Variants in SLC7A14 observed in about 807,000 individuals in gnomAD.
The protein encoded by SLC7A14 is gamma-aminobutyric acid transporter SLC7A14.
Under a neutral mutation model 60.2 loss-of-function variants are expected in SLC7A14, and 37 were observed. That is an observed-to-expected ratio of 0.61 (90% CI 0.47 to 0.81). The LOEUF (loss-of-function observed/expected upper bound fraction) is 0.81. SLC7A14 is among the 30% of genes least tolerant of loss of function. The pLI, the probability that SLC7A14 is intolerant of heterozygous loss-of-function variation, is 0.00. For synonymous variants in SLC7A14, 399 were observed against 395.8 expected (o/e 1.01, Z -0.10); for missense variants, 886 against 982.7 (o/e 0.90, Z 1.32).
At position 170,503,534 on chromosome 3, in the gene SLC7A14, C is replaced by T. The variant is rs565119266; in HGVS notation, c.305-2189G>A. Among the ~76,000 whole-genome samples the T allele has an allele frequency of 5.3e-5, 8 of 152,186 alleles. No individual in the cohort carries two copies. The East Asian group carries it at 1.5e-3, about 29-fold the overall frequency. ...AGGAAGTGAAGATGCAACTCACTTC[C>T]CTGCTTTGGTATTGGATCCACAGCA... On this transcript the variant is annotated intron_variant, in intron 2 of 7. Transcript: ENST00000231706.
At chr3:170,475,004 A>T (rs1302319147) in intron 7 of SLC7A14, among the ~76,000 whole-genome samples, 2 of 152,230 alleles carry the variant, frequency 1.3e-5, no homozygotes, top group Non-Finnish European at 2.9e-5. Flanking sequence ...TGCTAGTTCC[A>T]TGTTCCCTGA....
intron 1 of SLC7A14, among the ~76,000 whole-genome samples, chr3:170,544,164 C>A (rs1714103304): frequency 6.6e-6 from 1 of 152,058 alleles, no homozygotes; most frequent in Admixed American, 6.5e-5. Flanking sequence ...GTTGGTAGAT[C>A]CTCCCTGCCT....
Position 170,535,074 on chromosome 3 carries a change from T to A in SLC7A14, c.-152-7986A>T, listed in dbSNP as rs1283533892. Among the ~76,000 whole-genome samples the A allele has an allele frequency of 6.6e-6, 1 of 152,096 alleles. No homozygotes were observed. Among genetic ancestry groups the A allele is most frequent in the Non-Finnish European group, 1.5e-5 (1 of 68,036 alleles). On this transcript the variant is annotated intron_variant, in intron 1 of 7. Transcript: ENST00000231706. The surrounding 1 kb of genome is among the most constrained non-coding windows in gnomAD (Gnocchi z 4.3). The stretch of plus-strand genomic sequence containing the variant: ...GTTTGACATCACCTTCTCCTCTCCT[T>A]TTCCATGGACCTCAGGTCCGGTGCC...
intron 7 of SLC7A14, among the ~76,000 whole-genome samples, chr3:170,479,103 C>T (rs1711726833): frequency 6.6e-6 from 1 of 152,054 alleles, no homozygotes; most frequent in Admixed American, 6.6e-5. Flanking sequence ...GCCTGGGCGA[C>T]ACAGCAAGAC....
At chr3:170,472,804 G>T in intron 7 of SLC7A14, among the ~76,000 whole-genome samples, 1 of 152,028 alleles carries the variant, frequency 6.6e-6, no homozygotes, top group East Asian at 1.9e-4. Flanking sequence ...TGCAGTGACG[G>T]GAAATATTCA....
intron 1 of SLC7A14, among the ~76,000 whole-genome samples, chr3:170,567,186 A>G (rs1381027145): frequency 1.5e-5 from 2 of 130,296 alleles, no homozygotes; most frequent in Admixed American, 8.9e-5. Context: ...AGTCCCCAGA[A>G]TGTGATGTTC....
chr3:170,478,118 C>T (rs1711688595), intron 7 of SLC7A14, among the ~76,000 whole-genome samples: 3 of 152,048 alleles, frequency 2.0e-5, no homozygotes, highest in Admixed American at 6.5e-5. Flanking sequence ...TGCTCTGTCT[C>T]CCAGGCTAGA....
chr3:170,570,232 G>A (rs1577570976), intron 1 of SLC7A14: 2 of 152,388 alleles, frequency 1.3e-5, no homozygotes, highest in East Asian at 3.9e-4. Flanking sequence ...GACTGCTTGA[G>A]CCTAGGAGTT....
intron 1 of SLC7A14, among the ~76,000 whole-genome samples, chr3:170,568,806 CTGTT>C (rs1714865466): frequency 2.0e-5 from 3 of 152,252 alleles, no homozygotes; most frequent in East Asian, 1.9e-4. Flanking sequence ...ATTTGGCTCT[CTGTT>C]TGTCTGTTAT....
rs777638825 is a variant in SLC7A14, at chr3:170,467,027, AC to A, written c.*27del. 6.5e-7 allele frequency: 1 copy of A among 1,542,562 alleles called. No individual in the cohort carries two copies. Among genetic ancestry groups the A allele is most frequent in the East Asian group, 2.3e-5 (1 of 44,192 alleles). ...GTTAAGTTACTGAAAATCAGTCATCACCATTTCTACCCACTTGTGTGTTTCT... is the reference window on the plus strand; with the variant it reads ...GTTAAGTTACTGAAAATCAGTCATCACATTTCTACCCACTTGTGTGTTTCT... On this transcript the variant is annotated 3_prime_UTR_variant, in exon 8 of 8. Transcript: ENST00000231706.
At chr3:170,498,598 T>C in intron 4 of SLC7A14, 69 bp downstream of exon 4, 1 of 1,411,698 alleles carries the variant, frequency 7.1e-7, no homozygotes, top group African/African-American at 1.4e-5. Context: ...TGAAAATATG[T>C]CTTAGGTTGG....
In SLC7A14 at chr3:170,466,231, T is replaced by C. The variant is rs1483932122; in HGVS notation, c.*824A>G. 1 of 152,232 alleles carries C rather than the reference T, an allele frequency of 6.6e-6. No individual in the cohort carries two copies. The allele number at this position is 152,232 out of a possible 1,614,324, so 9.4% of individuals were successfully genotyped here. ...ACTTTTTCAAGGCATATCAGTGCCATGAAATCATGCTCCACCTTTGCCCGC... is the reference window on the plus strand; with the variant it reads ...ACTTTTTCAAGGCATATCAGTGCCACGAAATCATGCTCCACCTTTGCCCGC... On this transcript the variant is annotated 3_prime_UTR_variant, in exon 8 of 8. Coordinates refer to ENST00000231706, the MANE Select transcript of SLC7A14 (RefSeq NM_020949.3).
rs545286625 is a variant in SLC7A14, at chr3:170,506,607, G to A, written c.305-5262C>T. 4.6e-5 allele frequency among the ~76,000 whole-genome samples: 7 copies of A among 152,286 alleles called. No individual in the cohort carries two copies. In the South Asian group the frequency reaches 1.5e-3, roughly 32 times the overall value. On this transcript the variant is annotated intron_variant, in intron 2 of 7. Coordinates refer to ENST00000231706, the MANE Select transcript of SLC7A14 (RefSeq NM_020949.3). ...TGGTTCTATCATATATGTAAATAAA[G>A]AGCCAGCCTTAGGTTTAGTTCTTTC... is the stretch of plus-strand genomic sequence containing the variant.
At position 170,480,982 on chromosome 3, in the gene SLC7A14, C is replaced by T. The variant is rs376484132; in HGVS notation, c.1300G>A (p.Glu434Lys). 11 of 1,614,082 alleles carry T rather than the reference C, an allele frequency of 6.8e-6. No individual in the cohort carries two copies. The highest frequency in any genetic ancestry group is 1.7e-5 in the Admixed American group (1 of 60,010). ...VCVLLLRYQP[E>K]SDIDGFVKFL... is the part of the protein sequence containing the mutation. ...TTGACAAAACCATCAATGTCACTCT[C>T]AGGTTGGTATCGAAGGAGCAAGACA... The change falls in exon 7 of 8, where the codon GAG becomes AAG. Residue 434 changes from glutamate (E) to lysine (K), a missense_variant. Physicochemically the swap from Glu to Lys is moderately conservative, Grantham distance 56. Coordinates refer to ENST00000231706, the MANE Select transcript of SLC7A14 (RefSeq NM_020949.3).
chr3:170,583,126 A>G (rs1715283488), intron 1 of SLC7A14, among the ~76,000 whole-genome samples: 1 of 152,236 alleles, frequency 6.6e-6, no homozygotes, highest in South Asian at 2.1e-4. Context: ...GAACATGGGC[A>G]GTTGCTTAGG....
chr3:170,561,994 G>T (rs760884481), intron 1 of SLC7A14, among the ~76,000 whole-genome samples: 2 of 152,098 alleles, frequency 1.3e-5, no homozygotes, highest in Non-Finnish European at 2.9e-5. Context: ...AAATATAATA[G>T]ATGTTGGCAT....
At chr3:170,516,446 GGCACA>G (rs1343085960) in intron 2 of SLC7A14, among the ~76,000 whole-genome samples, 1 of 152,054 alleles carries the variant, frequency 6.6e-6, no homozygotes, top group East Asian at 1.9e-4. Context: ...GGGTGGGCCA[GGCACA>G]GTGGCTCACA....
intron 4 of SLC7A14, among the ~76,000 whole-genome samples, chr3:170,488,460 T>C (rs1006364906): frequency 6.6e-6 from 1 of 152,196 alleles, no homozygotes; most frequent in African/African-American, 2.4e-5. Context: ...TTTTCACTTA[T>C]CTAGAAAATA....
intron 7 of SLC7A14, among the ~76,000 whole-genome samples, chr3:170,468,402 A>G (rs545209265): frequency 5.4e-4 from 82 of 151,824 alleles, no homozygotes; most frequent in African/African-American, 2.0e-3. Context: ...GGCTCAAGCG[A>G]TTCTCCTGCC....
Sources: allele counts gnomAD v4.1 joint callset (sites outside exome capture counted in the v4.1 genomes callset), GRCh38; gene constraint gnomAD v4.1.1; non-coding constraint Gnocchi (gnomAD v3.1); transcripts MANE v1.5; gene names NCBI Gene and HGNC (gene_info 2026-07-23, HGNC 2026-07-21).